AGMO: variants seen among roughly 807,000 people sequenced by gnomAD.
AGMO encodes glyceryl-ether monooxygenase.
AGMO carries 75 observed loss-of-function variants against 60.2 expected under a neutral mutation model. The observed-to-expected ratio is 1.25, with a 90% CI of 1.03 to 1.51. The LOEUF (loss-of-function observed/expected upper bound fraction) is 1.51. Ranked by LOEUF, AGMO falls within the 40% of genes most tolerant of loss-of-function variation. The pLI is 0.00. For missense variants in AGMO, 763 were observed against 525.5 expected (o/e 1.45, Z -4.42); for synonymous variants, 261 against 177.1 (o/e 1.47, Z -3.76).
At chr7:15,169,423 TTTTTC>T in the AGMO span, among the ~76,000 whole-genome samples, 5 of 152,184 alleles carry the variant, frequency 3.3e-5, no homozygotes, top group South Asian at 6.2e-4. Context: ...AATTGGTGTC[TTTTTC>T]TTTTTTTTCT....
chr7:15,530,593 T>A (rs1224360143), intron 3 of AGMO, among the ~76,000 whole-genome samples: 4 of 125,804 alleles, frequency 3.2e-5, no homozygotes, highest in African/African-American at 1.2e-4. Context: ...TTTCTATATA[T>A]ATATTCTATA....
chr7:15,544,570 T>C (rs530758776), intron 3 of AGMO, among the ~76,000 whole-genome samples: 30 of 152,296 alleles, frequency 2.0e-4, no homozygotes, highest in African/African-American at 7.0e-4. Flanking sequence ...GTACTTCCAA[T>C]AATTTCATAT....
intron 12 of AGMO, among the ~76,000 whole-genome samples, chr7:15,338,535 C>T (rs895921711): frequency 2.6e-4 from 39 of 152,138 alleles, no homozygotes; most frequent in Admixed American, 3.3e-4. Context: ...TACAAATTTC[C>T]TCTTTCCCCA....
At chr7:15,290,518 G>A (rs138409023) in intron 12 of AGMO, among the ~76,000 whole-genome samples, 1 of 152,254 alleles carries the variant, frequency 6.6e-6, no homozygotes, top group Non-Finnish European at 1.5e-5. Context: ...CTTCTTACTA[G>A]CTGCAGTTGA....
intron 12 of AGMO, among the ~76,000 whole-genome samples, chr7:15,309,801 A>C (rs1454167005): frequency 2.0e-5 from 3 of 152,122 alleles, no homozygotes; most frequent in Non-Finnish European, 4.4e-5. Context: ...AATGTCCCTC[A>C]ATCAAAGATC....
chr7:15,336,039 T>C (rs1271394567), intron 12 of AGMO, among the ~76,000 whole-genome samples: 2 of 152,150 alleles, frequency 1.3e-5, no homozygotes, highest in Admixed American at 1.3e-4. Flanking sequence ...TGTAAAAATA[T>C]ATAATAATCT....
chr7:15,257,029 T>C (rs1783119071), intron 12 of AGMO, among the ~76,000 whole-genome samples: 1 of 152,200 alleles, frequency 6.6e-6, no homozygotes, highest in Non-Finnish European at 1.5e-5. Context: ...TGTATTTCCA[T>C]GATTCTATAC....
At chr7:15,399,440 A>G (rs1784497628) in intron 5 of AGMO, among the ~76,000 whole-genome samples, 1 of 152,230 alleles carries the variant, frequency 6.6e-6, no homozygotes, top group Non-Finnish European at 1.5e-5. Context: ...GTAAAACCTG[A>G]GTGCTAATTT....
chr7:15,161,532 T>TC, the AGMO span, among the ~76,000 whole-genome samples: 11 of 151,586 alleles, frequency 7.3e-5, no homozygotes, highest in South Asian at 2.1e-3. Context: ...CATATATGGA[T>TC]CATATATGCA....
At chr7:15,519,394 G>C (rs1161607548) in intron 3 of AGMO, among the ~76,000 whole-genome samples, 1 of 151,992 alleles carries the variant, frequency 6.6e-6, no homozygotes, top group Non-Finnish European at 1.5e-5. Flanking sequence ...AAAATGTTAA[G>C]GACAGCCAGA....
the AGMO span, among the ~76,000 whole-genome samples, chr7:15,132,156 G>A: frequency 6.6e-6 from 1 of 152,108 alleles, no homozygotes; most frequent in Admixed American, 6.6e-5. Flanking sequence ...GACATCAAAT[G>A]AAAATTACAA....
chr7:15,372,609 A>T (rs894998481), intron 10 of AGMO, among the ~76,000 whole-genome samples: 1 of 152,118 alleles, frequency 6.6e-6, no homozygotes, highest in Non-Finnish European at 1.5e-5. Context: ...CCGTAAGACC[A>T]CTGGCCAACT....
intron 12 of AGMO, among the ~76,000 whole-genome samples, chr7:15,243,608 CA>C (rs1782660417): frequency 6.6e-6 from 1 of 152,066 alleles, no homozygotes; most frequent in Admixed American, 6.6e-5. Flanking sequence ...GATCAAAACA[CA>C]TACCAATTAA....
At chr7:15,296,596 A>G (rs576232064) in intron 12 of AGMO, among the ~76,000 whole-genome samples, 1 of 151,182 alleles carries the variant, frequency 6.6e-6, no homozygotes, top group South Asian at 2.1e-4. Flanking sequence ...TATCCTCCTT[A>G]TTTAATAGTA....
At chr7:15,349,949 G>C (rs1019903350) in intron 12 of AGMO, among the ~76,000 whole-genome samples, 3 of 152,090 alleles carry the variant, frequency 2.0e-5, no homozygotes, top group African/African-American at 7.2e-5. Context: ...GATGAGACTT[G>C]GGTGGGGACA....
intron 12 of AGMO, among the ~76,000 whole-genome samples, chr7:15,287,034 G>C (rs1784117208): frequency 6.6e-6 from 1 of 152,046 alleles, no homozygotes. Flanking sequence ...GGTATGCAAA[G>C]GCATACAGAG....
intron 12 of AGMO, among the ~76,000 whole-genome samples, chr7:15,328,980 G>C (rs1781424592): frequency 6.6e-6 from 1 of 152,004 alleles, no homozygotes; most frequent in African/African-American, 2.4e-5. Flanking sequence ...TAGCAGTATG[G>C]TTTGCTCCTT....
intron 12 of AGMO, among the ~76,000 whole-genome samples, chr7:15,247,114 T>A (rs1017492833): frequency 4.0e-5 from 6 of 151,876 alleles, no homozygotes; most frequent in Admixed American, 3.9e-4. Context: ...CTGAAAAAAA[T>A]TTATTTATTA....
chr7:15,210,930 T>A (rs968082454), intron 12 of AGMO, among the ~76,000 whole-genome samples: 5 of 152,036 alleles, frequency 3.3e-5, no homozygotes, highest in Non-Finnish European at 7.4e-5. Flanking sequence ...ATACTGTTAA[T>A]TCAAAAACTT....
Sources: gnomAD v4.1 joint callset for allele counts (sites outside exome capture counted in the v4.1 genomes callset) on GRCh38, gnomAD v4.1.1 for gene constraint, MANE v1.5 for transcripts, NCBI Gene and HGNC (gene_info 2026-07-23, HGNC 2026-07-21) for gene names.